The following ADAMTS17 variants were observed in gnomAD, a reference collection of about 807,000 sequenced individuals.
The protein encoded by ADAMTS17 is ADAM metallopeptidase with thrombospondin type 1 motif 17, also known as A disintegrin and metalloproteinase with thrombospondin motifs 17.
In ADAMTS17, 113 loss-of-function variants were observed where a neutral mutation model predicts 141.5. The ratio of observed to expected loss-of-function variants is 0.80; its 90% CI spans 0.69 to 0.93. The LOEUF is 0.93. Among genes scored for constraint, ADAMTS17 ranks in the 40% least tolerant of loss-of-function variants. The pLI, the probability that ADAMTS17 is intolerant of heterozygous loss-of-function variation, is 0.00. For missense variants in ADAMTS17, 1,659 were observed against 1,517.9 expected (o/e 1.09, Z -1.54); for synonymous variants, 768 against 630.6 (o/e 1.22, Z -3.27).
At chr15:100,062,932 C>A (rs928886082) in intron 15 of ADAMTS17, among the ~76,000 whole-genome samples, 2 of 152,192 alleles carry the variant, frequency 1.3e-5, no homozygotes, top group African/African-American at 4.8e-5. Flanking sequence ...CCTCTGGGCA[C>A]CCTGCTGTCT....
intron 7 of ADAMTS17, among the ~76,000 whole-genome samples, chr15:100,207,169 T>TA (rs945984164): frequency 9.2e-5 from 14 of 152,050 alleles, no homozygotes; most frequent in African/African-American, 3.1e-4. Context: ...TGGGTCCTTA[T>TA]AAAAAGAAGA....
chr15:100,112,034 G>A (rs1178239941), intron 13 of ADAMTS17, among the ~76,000 whole-genome samples: 4 of 152,230 alleles, frequency 2.6e-5, no homozygotes, highest in Non-Finnish European at 4.4e-5. Context: ...TCTGGCTTCC[G>A]AGTGTATCCT....
chr15:100,323,412 G>C (rs1337671657), intron 3 of ADAMTS17, among the ~76,000 whole-genome samples: 2 of 152,142 alleles, frequency 1.3e-5, no homozygotes, highest in East Asian at 3.9e-4. Context: ...TAGGGAAAAG[G>C]TATGTGGAAA....
At chr15:100,247,720 G>C (rs890154685) in intron 7 of ADAMTS17, among the ~76,000 whole-genome samples, 1 of 152,044 alleles carries the variant, frequency 6.6e-6, no homozygotes, top group African/African-American at 2.4e-5. Flanking sequence ...AAACTCAACA[G>C]GTCCAGCACA....
intron 3 of ADAMTS17, among the ~76,000 whole-genome samples, chr15:100,319,091 T>C (rs1182084444): frequency 5.9e-5 from 9 of 152,220 alleles, no homozygotes; most frequent in Admixed American, 5.2e-4. Flanking sequence ...CAGAAGTGCA[T>C]ATGAAATGAC....
intron 4 of ADAMTS17, among the ~76,000 whole-genome samples, chr15:100,274,356 G>C (rs1025618023): frequency 6.6e-6 from 1 of 152,170 alleles, no homozygotes; most frequent in African/African-American, 2.4e-5. Flanking sequence ...TCTGTTATCA[G>C]ATGTGTAAAT....
chr15:100,123,031 G>T (rs1356316434), intron 12 of ADAMTS17, among the ~76,000 whole-genome samples: 1 of 152,224 alleles, frequency 6.6e-6, no homozygotes, highest in African/African-American at 2.4e-5. Flanking sequence ...AGTTTCCACA[G>T]ATGGCTACCT....
chr15:100,307,662 C>T (rs373633633), intron 3 of ADAMTS17, among the ~76,000 whole-genome samples: 12 of 152,282 alleles, frequency 7.9e-5, no homozygotes, highest in South Asian at 4.1e-4. Flanking sequence ...GGAACCATGC[C>T]GTTTTACTGT....
At chr15:100,108,596 T>C (rs2036550922) in intron 14 of ADAMTS17, among the ~76,000 whole-genome samples, 1 of 152,242 alleles carries the variant, frequency 6.6e-6, no homozygotes, top group Admixed American at 6.5e-5. Flanking sequence ...CGCACCTATC[T>C]GCCTGGCGTG....
At chr15:100,243,462 A>T (rs1297120143) in intron 7 of ADAMTS17, among the ~76,000 whole-genome samples, 2 of 152,210 alleles carry the variant, frequency 1.3e-5, no homozygotes, top group Non-Finnish European at 2.9e-5. Context: ...ATCTCTCTAC[A>T]TCCTCGCCAA....
chr15:100,237,290 A>T (rs573437225), intron 7 of ADAMTS17, among the ~76,000 whole-genome samples: 1 of 152,180 alleles, frequency 6.6e-6, no homozygotes, highest in East Asian at 1.9e-4. Context: ...CTCCCTCAGT[A>T]AGCCTCAGGC....
In ADAMTS17 at chr15:100,053,190, A is replaced by C. The variant is rs185785586; in HGVS notation, c.2295+707T>G. ...AATGATGAGCCATCAGAAGTTAGCC[A>C]TGAGAACTCCTGGATCTTGAGACGG... On this transcript the variant is annotated intron_variant, in intron 16 of 21. Transcript: ENST00000268070. Among the ~76,000 whole-genome samples the C allele has an allele frequency of 1.2e-4, 18 of 152,324 alleles. No homozygotes were observed. The East Asian group carries it at 3.5e-3, about 29-fold the overall frequency.
At chr15:100,060,040 A>G (rs2032993178) in intron 15 of ADAMTS17, among the ~76,000 whole-genome samples, 1 of 152,210 alleles carries the variant, frequency 6.6e-6, no homozygotes, top group Non-Finnish European at 1.5e-5. Context: ...AAAGCACTCC[A>G]TGGGGCAATT....
At chr15:100,024,262 T>A (rs918586713) in intron 18 of ADAMTS17, among the ~76,000 whole-genome samples, 10 of 152,342 alleles carry the variant, frequency 6.6e-5, no homozygotes, top group South Asian at 4.1e-4. Context: ...CTGGCTAATT[T>A]AAAAAATTTT....
At chr15:100,161,409 CTG>C (rs2039688104) in intron 8 of ADAMTS17, among the ~76,000 whole-genome samples, 1 of 151,814 alleles carries the variant, frequency 6.6e-6, no homozygotes, top group East Asian at 2.0e-4. Flanking sequence ...TTGGCTGAGT[CTG>C]TGGAATGAAT....
chr15:100,201,977 C>T (rs1450019913), intron 7 of ADAMTS17, among the ~76,000 whole-genome samples: 1 of 152,218 alleles, frequency 6.6e-6, no homozygotes, highest in Non-Finnish European at 1.5e-5. Context: ...CCCGCCCAGC[C>T]CTGGCTGCAG....
chr15:100,091,476 C>T (rs949856556), intron 15 of ADAMTS17, among the ~76,000 whole-genome samples: 1 of 152,182 alleles, frequency 6.6e-6, no homozygotes, highest in African/African-American at 2.4e-5. Context: ...TCCAGGAGAA[C>T]ATGCCATTTC....
At position 100,341,224 on chromosome 15, in the gene ADAMTS17, C is replaced by A; in HGVS notation, c.265G>T (p.Gly89Trp). The A allele has an allele frequency of 2.1e-6, 3 of 1,436,874 alleles. No individual in the cohort carries two copies. Among genetic ancestry groups the A allele is most frequent in the Non-Finnish European group, 2.7e-6 (3 of 1,095,722 alleles). 89.0% of individuals were successfully genotyped at this position (1,436,874 alleles called of 1,614,324 possible). A position where few individuals can be genotyped will look rare whatever the true frequency, so the allele number is the denominator to read the frequency against. The change falls in exon 2 of 22, where the codon GGG becomes TGG. Residue 89 changes from glycine (G) to tryptophan (W), a missense_variant. By Grantham distance (184) the Gly-to-Trp change is radical. Coordinates refer to ENST00000268070, the MANE Select transcript of ADAMTS17 (RefSeq NM_139057.4). ...CGCAGCTGAAGGTACAGGTCGCGCC[C>A]GAAGGCCGGCAGGTGCAGCAGCAGG... is the stretch of plus-strand genomic sequence containing the variant. The part of the protein sequence containing the change: ...RALLLHLPAF[G>W]RDLYLQLRRD...
intron 3 of ADAMTS17, among the ~76,000 whole-genome samples, chr15:100,299,087 C>T (rs759092407): frequency 4.0e-4 from 61 of 152,106 alleles, no homozygotes; most frequent in African/African-American, 1.2e-4. Context: ...GGGGACCCAC[C>T]TTCATCACCT....
Sources: allele counts gnomAD v4.1 joint callset (sites outside exome capture counted in the v4.1 genomes callset), GRCh38; gene constraint gnomAD v4.1.1; transcripts MANE v1.5; gene names NCBI Gene and HGNC (gene_info 2026-07-23, HGNC 2026-07-21).